Variants in CLEC12A observed in about 807,000 individuals in gnomAD.
CLEC12A encodes the protein C-type lectin protein CLL-1.
CLEC12A carries 22 observed loss-of-function variants against 26.5 expected under a neutral mutation model. That is an observed-to-expected ratio of 0.83 (90% CI 0.59 to 1.19). The LOEUF (loss-of-function observed/expected upper bound fraction) is 1.19, where lower values mean the gene tolerates loss of function less well. Ranked by LOEUF, CLEC12A falls within the 50% of genes most tolerant of loss-of-function variation. The pLI, the probability that CLEC12A is intolerant of heterozygous loss-of-function variation, is 0.00. For missense variants in CLEC12A, 353 were observed against 315.6 expected (o/e 1.12, Z -0.90); for synonymous variants, 119 against 101.9 (o/e 1.17, Z -1.01).
rs753222327 is a variant in CLEC12A, at chr12:9,979,319, A to AT, written c.191-10dup. 1.0e-5 allele frequency: 16 copies of AT among 1,543,622 alleles called. No homozygotes were observed. In the African/African-American group the frequency reaches 1.1e-4, roughly 11 times the overall value. On this transcript the variant is annotated splice_polypyrimidine_tract_variant and intron_variant, in intron 2 of 5. Coordinates refer to ENST00000304361, the MANE Select transcript of CLEC12A (RefSeq NM_138337.6). ...TATTGAGAATTTACAATTTTTTGTCATTTTTTTAATGTGGAGTTCACGTAA... is the reference window on the plus strand; with the variant it reads ...TATTGAGAATTTACAATTTTTTGTCATTTTTTTTAATGTGGAGTTCACGTAA...
chr12:9,957,189 G>T (rs575331974), intron 1 of CLEC12A, among the ~76,000 whole-genome samples: 1 of 152,222 alleles, frequency 6.6e-6, no homozygotes, highest in East Asian at 1.9e-4. Flanking sequence ...GAAAGAGGAA[G>T]AAATTTTAAA....
upstream of CLEC12A, chr12:9,971,292 C>A: frequency 1.8e-6 from 1 of 545,436 alleles, no homozygotes; most frequent in Non-Finnish European, 2.4e-6. Context: ...ATTTCAAAAA[C>A]TACTTTCTGT....
intron 5 of CLEC12A, among the ~76,000 whole-genome samples, chr12:9,983,022 G>C (rs1053469965): frequency 1.3e-5 from 2 of 152,096 alleles, no homozygotes; most frequent in African/African-American, 4.8e-5. Context: ...CTAAAAGAAA[G>C]CATGGTTTCA....
chr12:9,962,133 T>C (rs1863839616), intron 1 of CLEC12A, among the ~76,000 whole-genome samples: 2 of 151,980 alleles, frequency 1.3e-5, no homozygotes, highest in Non-Finnish European at 2.9e-5. Flanking sequence ...CTTCCGGCAG[T>C]AGCTAGCCCT....
chr12:9,983,306 A>C (rs1864635133), intron 5 of CLEC12A, among the ~76,000 whole-genome samples: 1 of 152,174 alleles, frequency 6.6e-6, no homozygotes. Context: ...TTAGAAGAGC[A>C]CTTCAGGTGA....
downstream of CLEC12A, among the ~76,000 whole-genome samples, chr12:9,990,458 G>A (rs1046618998): frequency 6.6e-6 from 1 of 152,162 alleles, no homozygotes; most frequent in African/African-American, 2.4e-5. Context: ...CAGATGTGGT[G>A]GAAATAGCAA....
At chr12:10,002,514 C>T in the CLEC12A span, among the ~76,000 whole-genome samples, 1 of 47,560 alleles carries the variant, frequency 2.1e-5, no homozygotes, top group Non-Finnish European at 5.2e-5. Context: ...GCGATCTCGG[C>T]TCACTGCAAG....
At chr12:9,967,324 A>G (rs942183824), upstream of CLEC12A, among the ~76,000 whole-genome samples, 2 of 152,130 alleles carry the variant, frequency 1.3e-5, no homozygotes, top group Non-Finnish European at 2.9e-5. Context: ...CAGGCACCTC[A>G]GACCGTTTGC....
At chr12:9,953,698 T>C (rs1863688765) in intron 1 of CLEC12A, among the ~76,000 whole-genome samples, 2 of 151,638 alleles carry the variant, frequency 1.3e-5, no homozygotes, top group Non-Finnish European at 2.9e-5. Flanking sequence ...CACCACCCCG[T>C]CTGGGAGGTG....
downstream of CLEC12A, among the ~76,000 whole-genome samples, chr12:9,987,231 G>T (rs960774224): frequency 3.3e-5 from 5 of 152,120 alleles, no homozygotes; most frequent in Non-Finnish European, 5.9e-5. Flanking sequence ...CTACTTATCA[G>T]TATTTTCTCC....
downstream of CLEC12A, chr12:9,997,150 C>T (rs779580668): frequency 1.9e-6 from 3 of 1,613,592 alleles, no homozygotes; most frequent in African/African-American, 4.0e-5. Context: ...GTTAAAAAAA[C>T]AATACTTACT....
chr12:9,979,518 G>A lies in CLEC12A; in HGVS notation c.373G>A (p.Glu125Lys), dbSNP rs1864469372. The A allele has an allele frequency of 6.2e-7, 1 of 1,607,722 alleles. No individual in the cohort carries two copies. Among genetic ancestry groups the A allele is most frequent in the Admixed American group, 1.7e-5 (1 of 58,742 alleles). Residue 125 changes from glutamate (E) to lysine (K), a missense_variant, in exon 3 of 6, where the codon GAA becomes AAA. By Grantham distance (56) the Glu-to-Lys change is moderately conservative. Transcript: ENST00000304361. ...TKLCRELYSK[E>K]QEHKCKPCPR... ...ATTATGTCGTGAGCTATATAGCAAA[G>A]AACAAGGTAATCTTGTATTCTCTTG...
intron 1 of CLEC12A, chr12:9,952,202 TCTCCCTCTCCCC>T (rs1863627764): frequency 1.9e-5 from 1 of 52,298 alleles, no homozygotes; most frequent in Non-Finnish European, 4.4e-5. Flanking sequence ...TCCGTCTCCC[TCTCCCTCTCCCC>T]ACGGTCTCCC....
At chr12:9,970,329 T>C (rs1396219045), upstream of CLEC12A, among the ~76,000 whole-genome samples, 2 of 152,164 alleles carry the variant, frequency 1.3e-5, no homozygotes, top group Non-Finnish European at 2.9e-5. Context: ...GTAGCTCTTA[T>C]AAAGGGAGCA....
At chr12:9,972,402 A>T (rs549721374) in intron 1 of CLEC12A, among the ~76,000 whole-genome samples, 1 of 152,096 alleles carries the variant, frequency 6.6e-6, no homozygotes, top group African/African-American at 2.4e-5. Context: ...ACTACTCTTC[A>T]TCTTACTCAG....
chr12:10,000,991 G>C, the CLEC12A span, among the ~76,000 whole-genome samples: 1 of 152,312 alleles, frequency 6.6e-6, no homozygotes, highest in African/African-American at 2.4e-5. Flanking sequence ...TAGTACAAAT[G>C]ACACTTTTCC....
At chr12:9,991,180 CAG>C in intron 4 of CLEC12A, 1 of 152,198 alleles carries the variant, frequency 6.6e-6, no homozygotes, top group South Asian at 2.1e-4. Context: ...TTGAAGAAGA[CAG>C]AAGTCAAATT....
chr12:9,974,091 G>C lies in CLEC12A; in HGVS notation c.91+2404G>C, dbSNP rs530989457. Among the ~76,000 whole-genome samples the C allele has an allele frequency of 5.3e-5, 8 of 152,260 alleles. 1 individual carries two copies. The highest frequency in any genetic ancestry group is 1.9e-4 in the African/African-American group (8 of 41,544). ...GCTTCTGCCCCCTTGGTGCCATAGA[G>C]ACTGAGCTTTAGGTCACTGATGTCC... On this transcript the variant is annotated intron_variant, in intron 1 of 5. Transcript: ENST00000304361.
At chr12:9,978,682 A>G (rs1202735650) in intron 1 of CLEC12A, among the ~76,000 whole-genome samples, 1 of 152,182 alleles carries the variant, frequency 6.6e-6, no homozygotes, top group Non-Finnish European at 1.5e-5. Context: ...ATTCTCTATT[A>G]TAAATTCTGT....
Sources: allele counts gnomAD v4.1 joint callset (sites outside exome capture counted in the v4.1 genomes callset), GRCh38; gene constraint gnomAD v4.1.1; transcripts MANE v1.5; gene names NCBI Gene and HGNC (gene_info 2026-07-23, HGNC 2026-07-21).